The following KCNT2 variants were observed in gnomAD, a reference collection of about 807,000 sequenced individuals.
KCNT2 encodes potassium channel subfamily T member 2.
A neutral mutation model predicts 153.8 loss-of-function variants in KCNT2; 67 were observed. That is an observed-to-expected ratio of 0.44 (90% CI 0.36 to 0.53). KCNT2 has a LOEUF of 0.53. Ranked by LOEUF, KCNT2 falls within the 20% of genes least tolerant of loss-of-function variation. The pLI is 0.00. For missense variants in KCNT2, 975 were observed against 1,354.8 expected (o/e 0.72, Z 4.40); for synonymous variants, 500 against 458.8 (o/e 1.09, Z -1.15).
intron 26 of KCNT2, among the ~76,000 whole-genome samples, chr1:196,243,899 A>G (rs955926931): frequency 4.0e-5 from 6 of 151,868 alleles, no homozygotes; most frequent in African/African-American, 1.5e-4. Context: ...CCCTCCCCCA[A>G]ACCCAGGCGG....
chr1:196,235,858 A>G, intron 27 of KCNT2, 128 bp downstream of exon 27: 1 of 541,560 alleles, frequency 1.8e-6, no homozygotes, highest in South Asian at 2.9e-5. Context: ...TTATTTATAA[A>G]ATTAGGTATA....
rs569086853 is a variant in KCNT2 at position 196,334,011 on chromosome 1, G to C, written c.1833C>G (p.Gly611=). The change falls in exon 17 of 28, where the codon GGC becomes GGG. Residue 611 remains glycine, a synonymous_variant. Transcript: ENST00000294725. ...LQDTSCRSAS[G]PTLSLPTEGS... ...CCTCTGTAGGAAGAGACAGGGTAGGGCCACTTGCTGATCTACAGCTTGTAT... is the reference window on the plus strand; with the variant it reads ...CCTCTGTAGGAAGAGACAGGGTAGGCCCACTTGCTGATCTACAGCTTGTAT... 1 of 1,613,106 alleles carries C rather than the reference G, an allele frequency of 6.2e-7. No homozygotes were observed. Among genetic ancestry groups the C allele is most frequent in the African/African-American group, 1.3e-5 (1 of 74,840 alleles).
chr1:196,314,634 T>C (rs1015010209), intron 21 of KCNT2, among the ~76,000 whole-genome samples: 1 of 151,664 alleles, frequency 6.6e-6, no homozygotes, highest in Non-Finnish European at 1.5e-5. Flanking sequence ...AATCTTTACA[T>C]TAACACTGCA....
At chr1:196,550,285 C>T (rs1266243037) in intron 1 of KCNT2, among the ~76,000 whole-genome samples, 1 of 151,722 alleles carries the variant, frequency 6.6e-6, no homozygotes, top group Non-Finnish European at 1.5e-5. Context: ...AAAATTTAAA[C>T]CCAAAGATCC....
At chr1:196,480,914 T>C (rs1464021404) in intron 4 of KCNT2, among the ~76,000 whole-genome samples, 1 of 147,870 alleles carries the variant, frequency 6.8e-6, no homozygotes, top group African/African-American at 2.5e-5. Context: ...CAAATATCAC[T>C]GTTTTAAAAA....
intron 22 of KCNT2, among the ~76,000 whole-genome samples, chr1:196,302,031 C>T (rs1437965979): frequency 2.6e-5 from 4 of 152,104 alleles, no homozygotes; most frequent in East Asian, 1.9e-4. Flanking sequence ...TGAACCACCA[C>T]GCCCAGCTGT....
At chr1:196,598,066 C>T (rs2149023029) in intron 1 of KCNT2, among the ~76,000 whole-genome samples, 1 of 152,108 alleles carries the variant, frequency 6.6e-6, no homozygotes, top group African/African-American at 2.4e-5. Flanking sequence ...AAACACATAG[C>T]TATAAAAAAT....
At chr1:196,514,178 C>G (rs953870143) in intron 1 of KCNT2, among the ~76,000 whole-genome samples, 1 of 152,104 alleles carries the variant, frequency 6.6e-6, no homozygotes, top group African/African-American at 2.4e-5. Flanking sequence ...TTTTCAGAAC[C>G]CAACACAGGG....
rs572306499 is a variant in KCNT2 at position 196,411,913 on chromosome 1, T to C, written c.1185+11137A>G. Among the ~76,000 whole-genome samples the C allele has an allele frequency of 1.1e-4, 17 of 151,932 alleles. No individual in the cohort carries two copies. The South Asian group carries it at 3.3e-3, about 30-fold the overall frequency. On this transcript the variant is annotated intron_variant, in intron 12 of 27. Transcript: ENST00000294725. Reference sequence around the variant, plus strand: ...TCCTATGGAAAATTTTGTTACATGATTTTTCTGAGTATATTGAGATGGGAA... The same window carrying C: ...TCCTATGGAAAATTTTGTTACATGACTTTTCTGAGTATATTGAGATGGGAA...
At chr1:196,475,811 C>T (rs1245308680) in intron 5 of KCNT2, among the ~76,000 whole-genome samples, 2 of 152,110 alleles carry the variant, frequency 1.3e-5, no homozygotes, top group Non-Finnish European at 2.9e-5. Context: ...TAACAGCAAC[C>T]TATCCTTCTA....
intron 22 of KCNT2, among the ~76,000 whole-genome samples, chr1:196,302,587 T>C (rs995066419): frequency 1.3e-5 from 2 of 152,146 alleles, no homozygotes; most frequent in African/African-American, 4.8e-5. Context: ...CTTCCTTTAA[T>C]GTGTGTCTGT....
chr1:196,374,065 T>A (rs1668748894), intron 13 of KCNT2, among the ~76,000 whole-genome samples: 1 of 151,918 alleles, frequency 6.6e-6, no homozygotes, highest in Admixed American at 6.6e-5. Flanking sequence ...AGAAGTCGTG[T>A]TTTTAAAAAG....
chr1:196,332,454 G>A (rs1664556642), intron 17 of KCNT2, among the ~76,000 whole-genome samples: 1 of 151,834 alleles, frequency 6.6e-6, no homozygotes, highest in Non-Finnish European at 1.5e-5. Flanking sequence ...TGGTTTTGTG[G>A]GTACACCAAC....
At chr1:196,320,390 G>T (rs1342056295) in intron 19 of KCNT2, among the ~76,000 whole-genome samples, 2 of 151,704 alleles carry the variant, frequency 1.3e-5, no homozygotes, top group Non-Finnish European at 2.9e-5. Context: ...GAAATAAAGA[G>T]TTTTAAAAAT....
At chr1:196,410,207 T>C (rs989587440) in intron 12 of KCNT2, among the ~76,000 whole-genome samples, 1 of 151,874 alleles carries the variant, frequency 6.6e-6, no homozygotes, top group South Asian at 2.1e-4. Flanking sequence ...AGAAATTCCT[T>C]ATATAGTTTT....
intron 1 of KCNT2, among the ~76,000 whole-genome samples, chr1:196,529,837 A>G (rs1654713469): frequency 6.6e-6 from 1 of 152,066 alleles, no homozygotes; most frequent in Admixed American, 6.6e-5. Context: ...TGGTCTCAAG[A>G]TGTTTGGTGC....
At chr1:196,369,592 T>A (rs568932473) in intron 14 of KCNT2, among the ~76,000 whole-genome samples, 1 of 152,050 alleles carries the variant, frequency 6.6e-6, no homozygotes. Flanking sequence ...TTTTTGTTCC[T>A]GCGATAGTTT....
rs543066565 is a variant in KCNT2 at position 196,349,711 on chromosome 1, TTTA to T, written c.1404-7486_1404-7484del. Among the ~76,000 whole-genome samples the T allele has an allele frequency of 1.7e-4, 26 of 151,890 alleles. 1 individual carries two copies. In the South Asian group the frequency reaches 2.5e-3, roughly 15 times the overall value. On this transcript the variant is annotated intron_variant, in intron 14 of 27. Coordinates refer to ENST00000294725, the MANE Select transcript of KCNT2 (RefSeq NM_198503.5). ...TTATTATTTTTTATTCTTTTATTTT[TTTA>T]TTATTATTATACTTTAAGTTTTAGG...
intron 1 of KCNT2, among the ~76,000 whole-genome samples, chr1:196,534,828 C>A (rs1304873122): frequency 1.3e-5 from 2 of 152,144 alleles, no homozygotes; most frequent in Non-Finnish European, 2.9e-5. Context: ...TACCTTTCTG[C>A]TGAATCATCT....
Sources: allele counts gnomAD v4.1 joint callset (sites outside exome capture counted in the v4.1 genomes callset), GRCh38; gene constraint gnomAD v4.1.1; transcripts MANE v1.5; gene names NCBI Gene and HGNC (gene_info 2026-07-23, HGNC 2026-07-21).